Variants in THADA observed in about 807,000 individuals in gnomAD.
The protein encoded by THADA is THADA armadillo repeat containing, also known as tRNA (32-2'-O)-methyltransferase regulator THADA.
In THADA, 213 loss-of-function variants were observed where a neutral mutation model predicts 219.8. The observed-to-expected ratio is 0.97, with a 90% CI of 0.87 to 1.09. The LOEUF is 1.09. Ranked by LOEUF, THADA falls within the 50% of genes least tolerant of loss-of-function variation. The pLI, the probability that THADA is intolerant of heterozygous loss-of-function variation, is 0.00. For missense variants in THADA, 2,956 were observed against 2,311.3 expected (o/e 1.28, Z -5.72); for synonymous variants, 1,018 against 828.9 (o/e 1.23, Z -3.92).
chr2:43,552,045 A>T, intron 18 of THADA, 120 bp from the exon 19 acceptor site: 1 of 1,538,888 alleles, frequency 6.5e-7, no homozygotes, highest in Non-Finnish European at 8.7e-7. Context: ...AACATGTGAG[A>T]CATAAAAATA....
intron 37 of THADA, among the ~76,000 whole-genome samples, chr2:43,232,405 C>T (rs1309845836): frequency 6.6e-6 from 1 of 151,892 alleles, no homozygotes; most frequent in Non-Finnish European, 1.5e-5. Context: ...GTCTCGATCT[C>T]CTGACCTCAT....
chr2:43,430,409 ATTAAATACAG>A (rs1679087744), intron 26 of THADA, 107 bp from the exon 27 acceptor site: 2 of 603,394 alleles, frequency 3.3e-6, no homozygotes, highest in Non-Finnish European at 5.7e-6. Context: ...TGGATATTTA[ATTAAATACAG>A]TTAAAAACAG....
At chr2:43,519,969 T>C (rs1185034649) in intron 22 of THADA, among the ~76,000 whole-genome samples, 1 of 152,174 alleles carries the variant, frequency 6.6e-6, no homozygotes, top group Non-Finnish European at 1.5e-5. Flanking sequence ...AACTCCAGGG[T>C]TGCTGGTGTT....
intron 26 of THADA, among the ~76,000 whole-genome samples, chr2:43,441,856 C>T (rs1680880162): frequency 6.6e-6 from 1 of 152,114 alleles, no homozygotes; most frequent in African/African-American, 2.4e-5. Flanking sequence ...TTAATCAAAA[C>T]TGTAATGTGA....
chr2:43,595,514 G>A (rs1411808766), intron 1 of THADA: 2 of 152,336 alleles, frequency 1.3e-5, no homozygotes, highest in Non-Finnish European at 2.9e-5. Context: ...AAGCAGACTC[G>A]GTAATTATGC....
rs112336443 is a variant in THADA, at chr2:43,390,646, A to G, written c.4227+7325T>C. Among the ~76,000 whole-genome samples the G allele has an allele frequency of 3.4e-3, 524 of 152,252 alleles. 3 individuals carry two copies. The highest frequency in any genetic ancestry group is 0.012 in the African/African-American group (514 of 41,534). ...ATCTAATTTACCTATTATATTTACT[A>G]TAATAAGTTCTGATATGTTTTATTG... On this transcript the variant is annotated intron_variant, in intron 29 of 37. Transcript: ENST00000405975.
intron 29 of THADA, among the ~76,000 whole-genome samples, chr2:43,379,993 AT>A (rs1376383057): frequency 6.6e-6 from 1 of 152,220 alleles, no homozygotes; most frequent in Non-Finnish European, 1.5e-5. Context: ...AAACCACTGG[AT>A]GGAAAAATCA....
intron 28 of THADA, among the ~76,000 whole-genome samples, chr2:43,412,495 T>G (rs1037655463): frequency 1.3e-5 from 2 of 152,204 alleles, no homozygotes; most frequent in Non-Finnish European, 2.9e-5. Context: ...TTGACTACAT[T>G]TGCTAGTGTT....
chr2:43,396,423 G>A (rs1201875083), intron 29 of THADA, among the ~76,000 whole-genome samples: 2 of 152,046 alleles, frequency 1.3e-5, no homozygotes, highest in Non-Finnish European at 2.9e-5. Flanking sequence ...TTTGTCCTTG[G>A]CTCCTTCAAG....
chr2:43,446,318 C>T (rs937341075), intron 26 of THADA, among the ~76,000 whole-genome samples: 2 of 152,158 alleles, frequency 1.3e-5, no homozygotes, highest in Non-Finnish European at 2.9e-5. Flanking sequence ...GTCTATTTCC[C>T]GTTTCCTTGA....
At chr2:43,361,350 G>A (rs1669504474) in intron 29 of THADA, among the ~76,000 whole-genome samples, 1 of 152,190 alleles carries the variant, frequency 6.6e-6, no homozygotes, top group Non-Finnish European at 1.5e-5. Flanking sequence ...GATAATTGAT[G>A]TACAAAGTGC....
intron 24 of THADA, among the ~76,000 whole-genome samples, chr2:43,503,006 G>A (rs1302042992): frequency 6.6e-6 from 1 of 152,078 alleles, no homozygotes; most frequent in Non-Finnish European, 1.5e-5. Flanking sequence ...TAAGAAAGAT[G>A]CAAAATAAAA....
chr2:43,527,599 A>T (rs1056095003), intron 22 of THADA, among the ~76,000 whole-genome samples: 8 of 102,244 alleles, frequency 7.8e-5, no homozygotes, highest in Admixed American at 2.5e-4. Flanking sequence ...TTCATTCAAT[A>T]AAAAAAAAAC....
chr2:43,396,704 G>A (rs183775902), intron 29 of THADA, among the ~76,000 whole-genome samples: 9 of 151,916 alleles, frequency 5.9e-5, no homozygotes, highest in African/African-American at 1.7e-4. Flanking sequence ...CCAGCTTCTC[G>A]GGAGGCTGAG....
chr2:43,368,378 T>C (rs1357421034), intron 29 of THADA, among the ~76,000 whole-genome samples: 4 of 152,130 alleles, frequency 2.6e-5, no homozygotes, highest in Non-Finnish European at 5.9e-5. Context: ...CGTTAGCCCC[T>C]TATCTTCATC....
At chr2:43,384,832 TAAAC>T (rs202031313) in intron 29 of THADA, among the ~76,000 whole-genome samples, 1,585 of 152,098 alleles carry the variant, frequency 0.01, 26 homozygotes, top group African/African-American at 0.036. Flanking sequence ...AATAACTAAA[TAAAC>T]AAACTTAAAA....
At chr2:43,337,275 A>G (rs1351679398) in intron 30 of THADA, among the ~76,000 whole-genome samples, 2 of 152,206 alleles carry the variant, frequency 1.3e-5, no homozygotes, top group Non-Finnish European at 2.9e-5. Context: ...TATAGAAAGT[A>G]AAAACTGAAG....
intron 4 of THADA, among the ~76,000 whole-genome samples, chr2:43,590,041 T>C (rs1354125607): frequency 6.6e-6 from 1 of 152,148 alleles, no homozygotes; most frequent in Non-Finnish European, 1.5e-5. Context: ...ACACATATGC[T>C]GACCTCAAAG....
intron 36 of THADA, among the ~76,000 whole-genome samples, chr2:43,269,540 C>T (rs186738805): frequency 6.6e-6 from 1 of 152,312 alleles, no homozygotes; most frequent in East Asian, 1.9e-4. Context: ...TGCAGGTGAA[C>T]GTCAGGGGGC....
Sources: allele counts gnomAD v4.1 joint callset (sites outside exome capture counted in the v4.1 genomes callset), GRCh38; gene constraint gnomAD v4.1.1; transcripts MANE v1.5; gene names NCBI Gene and HGNC (gene_info 2026-07-23, HGNC 2026-07-21).